The following TTC23 variants were observed in gnomAD, a reference collection of about 807,000 sequenced individuals.
TTC23 encodes the protein tetratricopeptide repeat domain 23, also known as tetratricopeptide repeat protein 23.
In TTC23, 58 loss-of-function variants were observed where a neutral mutation model predicts 55.1. That is an observed-to-expected ratio of 1.05 (90% confidence interval 0.85 to 1.31). The LOEUF (loss-of-function observed/expected upper bound fraction) is 1.31, where lower values mean the gene tolerates loss of function less well. Among genes scored for constraint, TTC23 ranks in the 50% most tolerant of loss-of-function variants. The pLI, the probability that TTC23 is intolerant of heterozygous loss-of-function variation, is 0.00. For missense variants in TTC23, 516 were observed against 534.4 expected (o/e 0.97, Z 0.34); for synonymous variants, 203 against 199.9 (o/e 1.02, Z -0.13).
chr15:99,212,707 G>C (rs1006109771), intron 8 of TTC23, among the ~76,000 whole-genome samples: 1 of 152,114 alleles, frequency 6.6e-6, no homozygotes, highest in African/African-American at 2.4e-5. Context: ...CCTTTTAAGA[G>C]GGACATAGGA....
intron 12 of TTC23, chr15:99,144,657 G>A (rs2068621968): frequency 6.6e-6 from 1 of 152,208 alleles, no homozygotes; most frequent in Non-Finnish European, 1.5e-5. Context: ...ACAAGGCTAC[G>A]TGACTCCATA....
At position 99,200,673 on chromosome 15, in the gene TTC23, A is replaced by G. The variant is rs956550066; in HGVS notation, c.582-577T>C. Reference sequence around the variant, plus strand: ...TATATCAAATCATACACATATATGTACACACACACGCACATACACACATAC... The same window carrying G: ...TATATCAAATCATACACATATATGTGCACACACACGCACATACACACATAC... On this transcript the variant is annotated intron_variant, in intron 8 of 13. Transcript: ENST00000394132. Among the ~76,000 whole-genome samples, 11 of 152,190 alleles carry G rather than the reference A, an allele frequency of 7.2e-5. 2 individuals carry two copies. In the South Asian group the frequency reaches 1.9e-3, roughly 26 times the overall value.
chr15:99,158,079 C>T (rs2070857559), intron 11 of TTC23: 1 of 152,232 alleles, frequency 6.6e-6, no homozygotes, highest in African/African-American at 2.4e-5. Flanking sequence ...AACCACATTA[C>T]AGGTGCTGAT....
At chr15:99,139,451 A>G in intron 12 of TTC23, 52 bp from the exon 13 acceptor site, 1 of 1,611,634 alleles carries the variant, frequency 6.2e-7, no homozygotes, top group Non-Finnish European at 8.5e-7. Flanking sequence ...CGCTGAGAGC[A>G]GGAAACTAAG....
chr15:99,147,329 C>T (rs1480214741), intron 12 of TTC23, among the ~76,000 whole-genome samples: 2 of 149,136 alleles, frequency 1.3e-5, no homozygotes, highest in Admixed American at 6.7e-5. Flanking sequence ...AGGTTCACGC[C>T]ATTCTCCTGC....
intron 2 of TTC23, among the ~76,000 whole-genome samples, chr15:99,244,022 C>T (rs2080025800): frequency 1.3e-5 from 2 of 152,118 alleles, no homozygotes; most frequent in Non-Finnish European, 2.9e-5. Context: ...CTTGAGGACA[C>T]AGATACCCAC....
intron 10 of TTC23, among the ~76,000 whole-genome samples, chr15:99,174,287 A>AT (rs1294778730): frequency 6.6e-6 from 1 of 152,118 alleles, no homozygotes; most frequent in African/African-American, 2.4e-5. Flanking sequence ...TGCTGGCCTC[A>AT]TTTTAGCCTG....
rs145968475 is a variant in TTC23 at position 99,191,023 on chromosome 15, G to A, written c.759+8896C>T. 2.2e-4 allele frequency among the ~76,000 whole-genome samples: 34 copies of A among 152,156 alleles called. No homozygotes were observed. In the East Asian group the frequency reaches 5.8e-3, roughly 26 times the overall value. ...TGGTCTTGAACTTCTGAGCTCAAGCGATCTGCCTGCCTTGGCCTTCCAAAG... is the reference window on the plus strand; with the variant it reads ...TGGTCTTGAACTTCTGAGCTCAAGCAATCTGCCTGCCTTGGCCTTCCAAAG... On this transcript the variant is annotated intron_variant, in intron 9 of 13. Transcript: ENST00000394132.
intron 12 of TTC23, among the ~76,000 whole-genome samples, chr15:99,141,203 T>C (rs944247919): frequency 1.2e-4 from 19 of 152,190 alleles, no homozygotes; most frequent in Admixed American, 2.0e-4. Flanking sequence ...AACTGTGATA[T>C]GTATATATTA....
At chr15:99,139,425 G>T (rs2067959901) in intron 12 of TTC23, 26 bp from the exon 13 acceptor site, 2 of 1,613,912 alleles carry the variant, frequency 1.2e-6, no homozygotes, top group Admixed American at 3.3e-5. Context: ...CAGCTATCAT[G>T]AGGCTATGGA....
chr15:99,182,254 A>G (rs867217001), intron 9 of TTC23, among the ~76,000 whole-genome samples: 1 of 133,640 alleles, frequency 7.5e-6, no homozygotes, highest in African/African-American at 3.1e-5. Context: ...TCTCTCACAC[A>G]CACACACACA....
At chr15:99,215,858 CAAGT>C (rs1240282006) in intron 8 of TTC23, among the ~76,000 whole-genome samples, 2 of 151,362 alleles carry the variant, frequency 1.3e-5, no homozygotes, top group East Asian at 1.9e-4. Flanking sequence ...TAAAAGAAAG[CAAGT>C]AAGGAAAAAG....
chr15:99,169,992 T>A (rs1250077467), intron 10 of TTC23, among the ~76,000 whole-genome samples: 1 of 152,174 alleles, frequency 6.6e-6, no homozygotes, highest in Non-Finnish European at 1.5e-5. Flanking sequence ...AAGGCTGAAA[T>A]GTTCTTGGCT....
chr15:99,220,225 C>T (rs528651062), intron 6 of TTC23, among the ~76,000 whole-genome samples: 1 of 152,294 alleles, frequency 6.6e-6, no homozygotes, highest in African/African-American at 2.4e-5. Flanking sequence ...CAGCTGTAAA[C>T]AGGGATATTA....
intron 3 of TTC23, among the ~76,000 whole-genome samples, chr15:99,236,533 G>A (rs28847927): frequency 0.02 from 3,068 of 150,510 alleles, 91 homozygotes; most frequent in African/African-American, 0.071. Context: ...TGGTGTGATC[G>A]CAGCTCACTG....
At chr15:99,194,188 A>G (rs1448544819) in intron 9 of TTC23, among the ~76,000 whole-genome samples, 1 of 152,158 alleles carries the variant, frequency 6.6e-6, no homozygotes, top group East Asian at 1.9e-4. Context: ...CCAACTTGAT[A>G]TCCAGATTCA....
chr15:99,157,120 G>C (rs1377668817), intron 11 of TTC23: 1 of 144,484 alleles, frequency 6.9e-6, no homozygotes, highest in Non-Finnish European at 1.5e-5. Context: ...TCCAGCCAGT[G>C]ATCTTCATAC....
At chr15:99,244,913 T>C (rs1257775816) in intron 2 of TTC23, among the ~76,000 whole-genome samples, 1 of 152,220 alleles carries the variant, frequency 6.6e-6, no homozygotes, top group Non-Finnish European at 1.5e-5. Flanking sequence ...TCAAAAGTGT[T>C]GTACTTAAAA....
chr15:99,209,494 C>T (rs1053984991), intron 8 of TTC23, among the ~76,000 whole-genome samples: 3 of 152,118 alleles, frequency 2.0e-5, no homozygotes, highest in Non-Finnish European at 2.9e-5. Flanking sequence ...TGGACACTAG[C>T]GTTGAATAAG....
Sources: gnomAD v4.1 joint callset for allele counts (sites outside exome capture counted in the v4.1 genomes callset) on GRCh38, gnomAD v4.1.1 for gene constraint, MANE v1.5 for transcripts, NCBI Gene and HGNC (gene_info 2026-07-23, HGNC 2026-07-21) for gene names.